YEATS4: variants seen among roughly 807,000 people sequenced by gnomAD.
YEATS4 encodes YEATS domain containing 4, also known as YEATS domain-containing protein 4.
YEATS4 carries 17 observed loss-of-function variants against 30.1 expected under a neutral mutation model. The ratio of observed to expected loss-of-function variants is 0.56; its 90% CI spans 0.39 to 0.85. The LOEUF is 0.85. Among genes scored for constraint, YEATS4 ranks in the 40% least tolerant of loss-of-function variants. The probability of loss-of-function intolerance (pLI) is 0.00; values close to 1 mark genes in which losing one functional copy is unlikely to be tolerated. For missense variants in YEATS4, 142 were observed against 268.3 expected, an observed-to-expected ratio of 0.53 and a Z score of 3.29; for synonymous variants, 85 against 87.5, an observed-to-expected ratio of 0.97 and a Z score of 0.16.
intron 1 of YEATS4, among the ~76,000 whole-genome samples, chr12:69,360,986 T>G (rs1177354036): frequency 6.6e-6 from 1 of 151,456 alleles, no homozygotes. Flanking sequence ...TCACCTGAGA[T>G]CAGAAGTTCA....
chr12:69,426,180 A>G, the YEATS4 span, among the ~76,000 whole-genome samples: 1 of 152,138 alleles, frequency 6.6e-6, no homozygotes, highest in Non-Finnish European at 1.5e-5. Flanking sequence ...AGTTGAGGCT[A>G]CAGTAAGCCA....
intron 6 of YEATS4, among the ~76,000 whole-genome samples, chr12:69,382,387 G>C (rs1876113305): frequency 6.6e-6 from 1 of 152,180 alleles, no homozygotes; most frequent in Admixed American, 6.5e-5. Flanking sequence ...TTTTACTGTG[G>C]CTGAGCTGGC....
chr12:69,405,902 T>A, the YEATS4 span, among the ~76,000 whole-genome samples: 1 of 152,242 alleles, frequency 6.6e-6, no homozygotes, highest in African/African-American at 2.4e-5. Context: ...ACCTATTGAA[T>A]TATCTGATAT....
chr12:69,414,343 CCT>C, the YEATS4 span, among the ~76,000 whole-genome samples: 4 of 78,458 alleles, frequency 5.1e-5, no homozygotes, highest in Admixed American at 5.9e-4. Context: ...GATCCTACTA[CCT>C]CAGCCTCCCC....
At chr12:69,392,203 A>T (rs1333319463), downstream of YEATS4, among the ~76,000 whole-genome samples, 2 of 152,230 alleles carry the variant, frequency 1.3e-5, no homozygotes, top group African/African-American at 2.4e-5. Flanking sequence ...CACATCCACC[A>T]TTGTGGCTAT....
intron 6 of YEATS4, among the ~76,000 whole-genome samples, chr12:69,376,086 G>A (rs1479072024): frequency 6.6e-6 from 1 of 152,086 alleles, no homozygotes; most frequent in East Asian, 1.9e-4. Context: ...TCATCTACAG[G>A]CTGGGTGTGG....
intron 4 of YEATS4, 77 bp downstream of exon 4, chr12:69,365,961 G>A (rs1875412914): frequency 2.8e-6 from 3 of 1,063,418 alleles, no homozygotes; most frequent in Admixed American, 5.3e-5. Flanking sequence ...TTAATGAATA[G>A]TGTTCATTCA....
the YEATS4 span, among the ~76,000 whole-genome samples, chr12:69,420,253 G>A: frequency 6.6e-6 from 1 of 152,314 alleles, no homozygotes; most frequent in East Asian, 1.9e-4. Context: ...ACATTTGGAT[G>A]AGAGGGAGGA....
At chr12:69,377,116 T>A (rs1875902053) in intron 6 of YEATS4, among the ~76,000 whole-genome samples, 1 of 152,196 alleles carries the variant, frequency 6.6e-6, no homozygotes, top group Admixed American at 6.5e-5. Flanking sequence ...GTTTTGTTTA[T>A]CTTTTCAGAA....
At chr12:69,364,572 A>G (rs895638343) in intron 2 of YEATS4, among the ~76,000 whole-genome samples, 1 of 152,204 alleles carries the variant, frequency 6.6e-6, no homozygotes, top group Non-Finnish European at 1.5e-5. Flanking sequence ...TTTTGTATTC[A>G]ACAATCTTAG....
intron 4 of YEATS4, among the ~76,000 whole-genome samples, chr12:69,366,938 T>C (rs1653480259): frequency 6.6e-6 from 1 of 152,318 alleles, no homozygotes; most frequent in South Asian, 2.1e-4. Flanking sequence ...GCCTCACCTT[T>C]TGGAGAGTCT....
At chr12:69,382,575 G>A (rs1164204266) in intron 6 of YEATS4, among the ~76,000 whole-genome samples, 2 of 152,202 alleles carry the variant, frequency 1.3e-5, no homozygotes, top group African/African-American at 4.8e-5. Context: ...TGCCAGGCCT[G>A]GGACTTTCCC....
At chr12:69,411,121 GTTTTTTGT>G in the YEATS4 span, among the ~76,000 whole-genome samples, 1 of 152,118 alleles carries the variant, frequency 6.6e-6, no homozygotes, top group Admixed American at 6.5e-5. Flanking sequence ...ACCAAGTACT[GTTTTTTGT>G]TGTTGTTAGT....
the YEATS4 span, among the ~76,000 whole-genome samples, chr12:69,423,820 A>T: frequency 6.6e-6 from 1 of 152,194 alleles, no homozygotes; most frequent in African/African-American, 2.4e-5. Flanking sequence ...ATCTAACTAA[A>T]TCATGGCACT....
chr12:69,413,846 C>A, the YEATS4 span, among the ~76,000 whole-genome samples: 1 of 118,996 alleles, frequency 8.4e-6, no homozygotes, highest in South Asian at 3.5e-4. Context: ...AGCAAGACTT[C>A]GTCAAAAAAA....
At chr12:69,387,774 A>G (rs1771180752) in intron 6 of YEATS4, among the ~76,000 whole-genome samples, 1 of 151,954 alleles carries the variant, frequency 6.6e-6, no homozygotes, top group Non-Finnish European at 1.5e-5. Flanking sequence ...GGAAGATATC[A>G]GAGAACACAA....
At chr12:69,380,344 C>T (rs976035320) in intron 6 of YEATS4, among the ~76,000 whole-genome samples, 75 of 152,194 alleles carry the variant, frequency 4.9e-4, no homozygotes, top group Non-Finnish European at 1.6e-4. Flanking sequence ...TGCTGTGGTT[C>T]TTGCAGATTT....
chr12:69,373,508 C>T (rs1592852352), intron 6 of YEATS4, among the ~76,000 whole-genome samples: 1 of 152,224 alleles, frequency 6.6e-6, no homozygotes, highest in East Asian at 1.9e-4. Context: ...GTTCGAGCTC[C>T]TTATATATTC....
chr12:69,392,179 A>G (rs1868321083), downstream of YEATS4, among the ~76,000 whole-genome samples: 1 of 152,224 alleles, frequency 6.6e-6, no homozygotes, highest in South Asian at 2.1e-4. Flanking sequence ...TGTGAAGTGT[A>G]TCGCATTTCA....
Sources: gnomAD v4.1 joint callset for allele counts (sites outside exome capture counted in the v4.1 genomes callset) on GRCh38, gnomAD v4.1.1 for gene constraint, MANE v1.5 for transcripts, NCBI Gene and HGNC (gene_info 2026-07-23, HGNC 2026-07-21) for gene names.